Variants in MAD1L1 observed in about 807,000 individuals in gnomAD.
MAD1L1 encodes mitotic spindle assembly checkpoint protein MAD1.
MAD1L1 carries 95 observed loss-of-function variants against 96.9 expected under a neutral mutation model. The observed-to-expected ratio is 0.98, with a 90% CI of 0.83 to 1.16. MAD1L1 has a LOEUF of 1.16. Ranked by LOEUF, MAD1L1 falls within the 50% of genes most tolerant of loss-of-function variation. The probability of loss-of-function intolerance (pLI) is 0.00; values close to 1 mark genes in which losing one functional copy is unlikely to be tolerated. For missense variants in MAD1L1, 1,007 were observed against 954.4 expected (o/e 1.06, Z -0.73); for synonymous variants, 473 against 396.6 (o/e 1.19, Z -2.29).
At chr7:1,953,256 G>C (rs1442726519) in intron 16 of MAD1L1, among the ~76,000 whole-genome samples, 1 of 152,174 alleles carries the variant, frequency 6.6e-6, no homozygotes, top group African/African-American at 2.4e-5. Flanking sequence ...TGCTCACAGG[G>C]AACCCGGCAA....
rs1584486790 is a variant in MAD1L1, at chr7:2,176,338, C to T, written c.987-27100G>A. ...ACTCCAGACTGGGTGAAGAGTGAGA[C>T]TCCGTCTCCAGGAAAAAAATAAATA... On this transcript the variant is annotated intron_variant, in intron 10 of 18. Transcript: ENST00000265854. Among the ~76,000 whole-genome samples the T allele has an allele frequency of 2.0e-5, 3 of 152,270 alleles. No individual in the cohort carries two copies. The East Asian group carries it at 5.8e-4, about 29-fold the overall frequency.
intron 18 of MAD1L1, among the ~76,000 whole-genome samples, chr7:1,827,134 G>A (rs965028662): frequency 3.1e-4 from 47 of 152,332 alleles, no homozygotes; most frequent in African/African-American, 1.1e-3. Context: ...CATCCGCCAC[G>A]GGCGGCTCCA....
chr7:1,847,624 G>C (rs901141215), intron 18 of MAD1L1: 12 of 470,848 alleles, frequency 2.5e-5, no homozygotes, highest in African/African-American at 1.6e-4. Flanking sequence ...CCCTGGGCAG[G>C]CCTCGCCCCC....
At chr7:2,228,323 G>A (rs957634743) in intron 3 of MAD1L1, among the ~76,000 whole-genome samples, 3 of 152,098 alleles carry the variant, frequency 2.0e-5, no homozygotes, top group East Asian at 1.9e-4. Flanking sequence ...GTGCAGTGGC[G>A]CGATGGCTCA....
intron 18 of MAD1L1, among the ~76,000 whole-genome samples, chr7:1,887,288 GCTGC>G (rs1472525821): frequency 1.3e-5 from 2 of 151,940 alleles, no homozygotes; most frequent in South Asian, 4.2e-4. Context: ...TGTGTATGTG[GCTGC>G]CTGTGTGTGG....
At chr7:2,138,704 C>T (rs887604510) in intron 11 of MAD1L1, among the ~76,000 whole-genome samples, 7 of 152,212 alleles carry the variant, frequency 4.6e-5, no homozygotes, top group African/African-American at 7.2e-5. Flanking sequence ...CAGCACTCCG[C>T]TGCCTTCCCC....
intron 14 of MAD1L1, among the ~76,000 whole-genome samples, chr7:1,997,284 G>A (rs377644514): frequency 1.3e-5 from 2 of 152,190 alleles, no homozygotes; most frequent in South Asian, 2.1e-4. Context: ...GAGACGGGAC[G>A]GGCACTAGGG....
chr7:1,929,117 A>C (rs577162794), intron 17 of MAD1L1, among the ~76,000 whole-genome samples: 1 of 152,222 alleles, frequency 6.6e-6, no homozygotes, highest in African/African-American at 2.4e-5. Flanking sequence ...GATTCCAGGC[A>C]GAGCAACTCT....
chr7:1,885,622 G>C (rs1178421993), intron 18 of MAD1L1, among the ~76,000 whole-genome samples: 1 of 152,182 alleles, frequency 6.6e-6, no homozygotes, highest in African/African-American at 2.4e-5. Flanking sequence ...CAAATGTCCG[G>C]CCTTCAACCC....
chr7:2,161,977 G>A (rs2128589042), intron 10 of MAD1L1, among the ~76,000 whole-genome samples: 1 of 145,534 alleles, frequency 6.9e-6, no homozygotes, highest in Non-Finnish European at 1.5e-5. Context: ...GGAGGTGGGG[G>A]GCGGCCCCCG....
intron 12 of MAD1L1, among the ~76,000 whole-genome samples, chr7:2,031,283 C>T (rs1783214549): frequency 6.6e-6 from 1 of 152,206 alleles, no homozygotes; most frequent in African/African-American, 2.4e-5. Flanking sequence ...CCTCAGCCAG[C>T]TCCTCCTCTG....
At chr7:1,884,288 CCCACCCATGGATCTCTGGCCAT>C (rs1785875069) in intron 18 of MAD1L1, among the ~76,000 whole-genome samples, 1 of 152,216 alleles carries the variant, frequency 6.6e-6, no homozygotes, top group Non-Finnish European at 1.5e-5. Context: ...CCCCTGGCCA[CCCACCCATGGATCTCTGGCCAT>C]CCACCAGTGC....
intron 14 of MAD1L1, among the ~76,000 whole-genome samples, chr7:1,996,034 C>T (rs1009844651): frequency 2.0e-5 from 3 of 152,334 alleles, no homozygotes; most frequent in South Asian, 2.1e-4. Context: ...CCAGCACTGA[C>T]GAGGGGCTCA....
chr7:2,167,179 C>G (rs982374551), intron 10 of MAD1L1, among the ~76,000 whole-genome samples: 4 of 152,140 alleles, frequency 2.6e-5, no homozygotes, highest in Non-Finnish European at 5.9e-5. Flanking sequence ...GGCGCAGTAG[C>G]AGGCAGGTCA....
chr7:2,206,005 G>C (rs1200370148), intron 10 of MAD1L1, among the ~76,000 whole-genome samples: 2 of 152,072 alleles, frequency 1.3e-5, no homozygotes, highest in Admixed American at 6.6e-5. Context: ...GGTGGTGCAC[G>C]CCTGGAACCC....
intron 15 of MAD1L1, among the ~76,000 whole-genome samples, chr7:1,970,550 T>C (rs1229066626): frequency 6.6e-6 from 1 of 152,126 alleles, no homozygotes; most frequent in East Asian, 1.9e-4. Context: ...GCCAGGCTGG[T>C]CTCAATCTCC....
intron 12 of MAD1L1, among the ~76,000 whole-genome samples, chr7:2,068,040 A>G (rs561421173): frequency 6.6e-6 from 1 of 152,388 alleles, no homozygotes; most frequent in East Asian, 1.9e-4. Flanking sequence ...CTTGCTCCAC[A>G]GAAACGTACC....
At chr7:1,937,648 C>T (rs1344069894) in intron 16 of MAD1L1, among the ~76,000 whole-genome samples, 1 of 151,002 alleles carries the variant, frequency 6.6e-6, no homozygotes, top group Non-Finnish European at 1.5e-5. Flanking sequence ...TGCAGGGTCA[C>T]TGCGCACCCG....
chr7:1,891,841 C>T (rs968748791), intron 18 of MAD1L1, among the ~76,000 whole-genome samples: 3 of 152,192 alleles, frequency 2.0e-5, no homozygotes, highest in African/African-American at 7.2e-5. Context: ...TCAGCCTCCC[C>T]AAATGTTAGG....
Sources: allele counts gnomAD v4.1 joint callset (sites outside exome capture counted in the v4.1 genomes callset), GRCh38; gene constraint gnomAD v4.1.1; transcripts MANE v1.5; gene names NCBI Gene and HGNC (gene_info 2026-07-23, HGNC 2026-07-21).